The following GCC2 variants were observed in gnomAD, a reference collection of about 807,000 sequenced individuals.
GCC2 encodes GRIP and coiled-coil domain-containing protein 2.
In GCC2, 120 loss-of-function variants were observed where a neutral mutation model predicts 210.6. The observed-to-expected ratio is 0.57, with a 90% confidence interval of 0.49 to 0.66. GCC2 has a LOEUF of 0.66. Ranked by LOEUF, GCC2 falls within the 30% of genes least tolerant of loss-of-function variation. The pLI is 0.00. For synonymous variants in GCC2, 703 were observed against 652.7 expected (o/e 1.08, Z -1.17); for missense variants, 1,868 against 1,871.9 (o/e 1.00, Z 0.04).
intron 4 of GCC2, among the ~76,000 whole-genome samples, chr2:108,457,906 G>T (rs189904822): frequency 5.9e-5 from 9 of 152,272 alleles, no homozygotes; most frequent in Admixed American, 5.9e-4. Flanking sequence ...CAGTTTGGAT[G>T]TCGTTTATTT....
chr2:108,471,035 G>C lies in GCC2; in HGVS notation c.1706G>C (p.Gly569Ala). 6.2e-7 allele frequency: 1 copy of C among 1,605,700 alleles called. No individual in the cohort carries two copies. Among genetic ancestry groups the C allele is most frequent in the Non-Finnish European group, 8.5e-7 (1 of 1,173,370 alleles). The change falls in exon 6 of 23, where the codon GGA becomes GCA. Residue 569 changes from glycine to alanine, a missense_variant. Transcript: ENST00000309863. ...ATAAAGAACCTTCAAGAAAAGAATG[G>C]AGTATACTTACTTAGTCTCAGTCAA... The part of the protein sequence containing the change: ...NTIKNLQEKN[G>A]VYLLSLSQRD...
intron 9 of GCC2, among the ~76,000 whole-genome samples, chr2:108,478,378 C>T (rs1422340057): frequency 2.6e-5 from 4 of 152,100 alleles, no homozygotes; most frequent in African/African-American, 9.7e-5. Context: ...CTTTTAAAAA[C>T]ACATGTACCT....
At position 108,471,865 on chromosome 2, in the gene GCC2, G is replaced by A. The variant is rs760204378; in HGVS notation, c.2536G>A (p.Glu846Lys). 1 of 1,612,156 alleles carries A rather than the reference G, an allele frequency of 6.2e-7. No individual in the cohort carries two copies. The highest frequency in any genetic ancestry group is 8.5e-7 in the Non-Finnish European group (1 of 1,179,322). Residue 846 changes from glutamate to lysine, a missense_variant, in exon 6 of 23, where the codon GAG (glutamate) becomes AAG (lysine). Coordinates refer to ENST00000309863, the MANE Select transcript of GCC2 (RefSeq NM_181453.4). ...GCAAGAGAAAGTTCTCTTAAGGAAA[G>A]AGTTAGAAGAAATACAGTCAGAAAA... ...YEQEKVLLRK[E>K]LEEIQSEKEA...
At position 108,469,940 on chromosome 2, in the gene GCC2, A is replaced by G. The variant is rs1296769383; in HGVS notation, c.611A>G (p.Gln204Arg). The stretch of plus-strand genomic sequence containing the variant: ...GAGCAAATTTTATATCTGCAAAAGC[A>G]ATTAGACGCTACCACTGATGAAAAG... Reference protein sequence around the residue: ...FEEQILYLQKQLDATTDEKKE... With the variant: ...FEEQILYLQKRLDATTDEKKE... The change falls in exon 6 of 23, where the codon CAA (glutamine) becomes CGA (arginine). Residue 204 changes from glutamine (Q) to arginine (R), a missense_variant. Physicochemically the swap from Gln to Arg is conservative, Grantham distance 43. Transcript: ENST00000309863. The G allele has an allele frequency of 1.2e-6, 2 of 1,613,546 alleles. No homozygotes were observed. The highest frequency in any genetic ancestry group is 1.1e-5 in the South Asian group (1 of 91,052).
rs368499106 is a variant in GCC2, at chr2:108,471,687, C to T, written c.2358C>T (p.Val786=). The T allele has an allele frequency of 2.1e-4, 343 of 1,613,420 alleles. 3 individuals are homozygous for T. In the South Asian group the frequency reaches 3.1e-3, roughly 15 times the overall value. ...EKDVVNVLQA[V]GESLAKINEE... ...ATGTTGTTAATGTCCTACAGGCAGTCGGTGAATCCTTGGCAAAAATAAATG... is the reference window on the plus strand; with the variant it reads ...ATGTTGTTAATGTCCTACAGGCAGTTGGTGAATCCTTGGCAAAAATAAATG... The change falls in exon 6 of 23, where the codon GTC becomes GTT. Residue 786 remains valine, a synonymous_variant. Coordinates refer to ENST00000309863, the MANE Select transcript of GCC2 (RefSeq NM_181453.4).
intron 5 of GCC2, 100 bp from the exon 6 acceptor site, chr2:108,469,551 A>T: frequency 1.3e-6 from 1 of 757,812 alleles, no homozygotes; most frequent in Admixed American, 2.8e-5. Context: ...CTGCTCATTT[A>T]CTTTTCTCTC....
chr2:108,500,853 A>AT (rs1682890513), intron 22 of GCC2, among the ~76,000 whole-genome samples: 1 of 152,148 alleles, frequency 6.6e-6, no homozygotes, highest in Non-Finnish European at 1.5e-5. Context: ...CCAGTGAATA[A>AT]TTCAATGTTT....
intron 13 of GCC2, 137 bp from the exon 14 acceptor site, chr2:108,485,499 T>TA (rs1682094857): frequency 7.3e-6 from 4 of 546,714 alleles, no homozygotes; most frequent in Middle Eastern, 1.0e-3. Flanking sequence ...TACTGTCACA[T>TA]ATGTTTGAAG....
intron 22 of GCC2, among the ~76,000 whole-genome samples, chr2:108,503,253 G>A: frequency 6.6e-6 from 1 of 151,868 alleles, no homozygotes; most frequent in Admixed American, 6.6e-5. Context: ...AAAGCAGCCA[G>A]AGAAAGAAGA....
intron 16 of GCC2, 61 bp downstream of exon 16, chr2:108,486,709 T>C: frequency 6.7e-7 from 1 of 1,502,088 alleles, no homozygotes; most frequent in Non-Finnish European, 9.1e-7. Context: ...TAGTCATTGG[T>C]TTACTCCAGG....
intron 13 of GCC2, 38 bp from the exon 14 acceptor site, chr2:108,485,598 G>A: frequency 9.3e-7 from 1 of 1,072,820 alleles, no homozygotes; most frequent in Non-Finnish European, 1.4e-6. Flanking sequence ...GATAAAAATT[G>A]TTACATCTTT....
At chr2:108,505,897 A>T (rs1352784582) in intron 22 of GCC2, among the ~76,000 whole-genome samples, 1 of 152,224 alleles carries the variant, frequency 6.6e-6, no homozygotes, top group African/African-American at 2.4e-5. Flanking sequence ...AAATGGCTTT[A>T]ACTCTAGAAA....
chr2:108,486,307 A>G, intron 15 of GCC2: 1 of 569,742 alleles, frequency 1.8e-6, no homozygotes, highest in East Asian at 3.1e-5. Context: ...TTTTTTTTGA[A>G]TTGATGTTGG....
rs189093311 is a variant in GCC2 at position 108,504,020 on chromosome 2, A to T, written c.4985-3540A>T. 5.0e-3 allele frequency among the ~76,000 whole-genome samples: 754 copies of T among 152,256 alleles called. 7 individuals are homozygous for T. The highest frequency in any genetic ancestry group is 0.017 in the Middle Eastern group (5 of 294). On this transcript the variant is annotated intron_variant, in intron 22 of 22. Transcript: ENST00000309863. Reference sequence around the variant, plus strand: ...CTACTCAGGAGGCTAAGGCAGCAGGATTGTTTGTTATAAGGAGTTCGAGGC... The same window carrying T: ...CTACTCAGGAGGCTAAGGCAGCAGGTTTGTTTGTTATAAGGAGTTCGAGGC...
chr2:108,467,948 A>G (rs576895103), intron 4 of GCC2, among the ~76,000 whole-genome samples: 3 of 152,208 alleles, frequency 2.0e-5, no homozygotes, highest in Admixed American at 2.0e-4. Flanking sequence ...TAAATATAGT[A>G]TTATGCTTCT....
intron 19 of GCC2, chr2:108,494,002 G>C: frequency 1.3e-6 from 1 of 792,206 alleles, no homozygotes; most frequent in Non-Finnish European, 1.5e-6. Context: ...ATGAGACCTT[G>C]GGCAAAGTCA....
Position 108,495,466 on chromosome 2 carries a change from C to T in GCC2, c.4623C>T (p.Asn1541=), listed in dbSNP as rs144417032. 941 of 1,592,100 alleles carry T rather than the reference C, an allele frequency of 5.9e-4. 1 individual carries two copies. Among genetic ancestry groups the T allele is most frequent in the Middle Eastern group, 2.0e-3 (9 of 4,420 alleles). The change falls in exon 20 of 23, where the codon AAC becomes AAT. Residue 1541 remains asparagine, a synonymous_variant. Coordinates refer to ENST00000309863, the MANE Select transcript of GCC2 (RefSeq NM_181453.4). ...TYTQSLEQLL[N]SPETKLEPPL... is the part of the protein sequence containing the mutation. ...CACAGTCTTTAGAGCAGCTGCTTAA[C>T]TCTCCCGAAACTAAACTTGGTATGT...
chr2:108,500,645 A>G (rs1466407119), intron 22 of GCC2, among the ~76,000 whole-genome samples: 9 of 152,246 alleles, frequency 5.9e-5, no homozygotes, highest in Admixed American at 5.9e-4. Context: ...ACTGAATTCA[A>G]GCTGCATCTT....
rs1679751399 is a variant in GCC2, at chr2:108,449,212, T to C, written c.-63T>C. The C allele has an allele frequency of 4.6e-6, 7 of 1,525,138 alleles. No homozygotes were observed. In the East Asian group the frequency reaches 1.2e-4, roughly 27 times the overall value. The allele number at this position is 1,525,138 out of a possible 1,614,324, so 94.5% of individuals were successfully genotyped here. ...CTGCAGTAGAGCCTACGTCAGAGGC[T>C]GGCGCAAACAGAAGTGCAGCGGTGG... On this transcript the variant is annotated 5_prime_UTR_variant, in exon 1 of 23. Transcript: ENST00000309863.
Sources: gnomAD v4.1 joint callset for allele counts (sites outside exome capture counted in the v4.1 genomes callset) on GRCh38, gnomAD v4.1.1 for gene constraint, MANE v1.5 for transcripts, NCBI Gene and HGNC (gene_info 2026-07-23, HGNC 2026-07-21) for gene names.